ATP9B: variants seen among roughly 807,000 people sequenced by gnomAD.
ATP9B encodes the protein probable phospholipid-transporting ATPase IIB.
A neutral mutation model predicts 146.1 loss-of-function variants in ATP9B; 110 were observed. The ratio of observed to expected loss-of-function variants is 0.75; its 90% CI spans 0.65 to 0.88. The LOEUF is 0.88. Ranked by LOEUF, ATP9B falls within the 40% of genes least tolerant of loss-of-function variation. ATP9B has a pLI of 0.00. For synonymous variants in ATP9B, 604 were observed against 569.7 expected, an observed-to-expected ratio of 1.06 and a Z score of -0.86; for missense variants, 1,499 against 1,496.4, an observed-to-expected ratio of 1.00 and a Z score of -0.03.
At chr18:79,240,787 A>G (rs893320283) in intron 11 of ATP9B, among the ~76,000 whole-genome samples, 1 of 152,188 alleles carries the variant, frequency 6.6e-6, no homozygotes, top group African/African-American at 2.4e-5. Flanking sequence ...GAGACATCCA[A>G]TTTTGAGAAT....
chr18:79,250,604 C>T (rs548558511), intron 11 of ATP9B, among the ~76,000 whole-genome samples: 24 of 152,306 alleles, frequency 1.6e-4, no homozygotes, highest in African/African-American at 5.5e-4. Context: ...CTATTTTTCT[C>T]AATAATTCAA....
chr18:79,373,937 CTG>C lies in ATP9B; in HGVS notation c.3111_3112del (p.Glu1038ValfsTer51). The C allele has an allele frequency of 6.2e-7, 1 of 1,613,584 alleles. No individual in the cohort carries two copies. The highest frequency in any genetic ancestry group is 8.5e-7 in the Non-Finnish European group (1 of 1,180,030). On this transcript the variant is annotated frameshift_variant, in exon 28 of 30. Coordinates refer to ENST00000426216, the MANE Select transcript of ATP9B (RefSeq NM_198531.5). LOFTEE classifies it high-confidence loss of function. ...TATGGGGCCCTGGTGCTCTTCGAGTCTGAGTTCGTCCACGTGGTGGCCATCTC... is the reference window on the plus strand; with the variant it reads ...TATGGGGCCCTGGTGCTCTTCGAGTCAGTTCGTCCACGTGGTGGCCATCTC...
chr18:79,184,700 CT>C (rs1177907506), intron 8 of ATP9B, among the ~76,000 whole-genome samples: 1 of 152,052 alleles, frequency 6.6e-6, no homozygotes, highest in Non-Finnish European at 1.5e-5. Context: ...TTGTGTCCTT[CT>C]TTTTCTTGTG....
chr18:79,292,940 A>G (rs746552885), intron 13 of ATP9B, among the ~76,000 whole-genome samples: 7 of 151,788 alleles, frequency 4.6e-5, no homozygotes, highest in Non-Finnish European at 5.9e-5. Context: ...TGGTTTCAAA[A>G]CCTAATACAA....
intron 1 of ATP9B, among the ~76,000 whole-genome samples, chr18:79,078,663 G>GT (rs34895093): frequency 0.14 from 20,087 of 142,822 alleles, 1,812 homozygotes; most frequent in African/African-American, 0.27. Flanking sequence ...GTATAGTTCA[G>GT]TTTTTTTTTT....
chr18:79,126,893 C>T lies in ATP9B; in HGVS notation c.667+518C>T, dbSNP rs539629890. ...CCTTAACTCTTGCTTAACTTACATC[C>T]TTCAAGCGCTTGTTTATTTGATTTT... On this transcript the variant is annotated intron_variant, in intron 5 of 29. Coordinates refer to ENST00000426216, the MANE Select transcript of ATP9B (RefSeq NM_198531.5). Among the ~76,000 whole-genome samples, 13 of 152,218 alleles carry T rather than the reference C, an allele frequency of 8.5e-5. No homozygotes were observed. In the East Asian group the frequency reaches 2.3e-3, roughly 27 times the overall value.
intron 1 of ATP9B, among the ~76,000 whole-genome samples, chr18:79,093,153 C>T (rs2074488865): frequency 6.6e-6 from 1 of 152,120 alleles, no homozygotes; most frequent in Non-Finnish European, 1.5e-5. Flanking sequence ...TATATGCAAT[C>T]CATTGTTGAC....
At chr18:79,102,326 A>T (rs1248206059) in intron 2 of ATP9B, among the ~76,000 whole-genome samples, 1 of 152,232 alleles carries the variant, frequency 6.6e-6, no homozygotes, top group African/African-American at 2.4e-5. Context: ...ATGTTCTTGC[A>T]TGCATTTTAT....
intron 15 of ATP9B, among the ~76,000 whole-genome samples, chr18:79,320,089 G>A (rs528509029): frequency 2.0e-5 from 3 of 152,308 alleles, no homozygotes; most frequent in Non-Finnish European, 4.4e-5. Context: ...GGTTTTGCCT[G>A]TGTCTTCAGA....
chr18:79,227,241 C>A (rs2095744726), intron 11 of ATP9B, among the ~76,000 whole-genome samples: 1 of 152,016 alleles, frequency 6.6e-6, no homozygotes, highest in East Asian at 1.9e-4. Context: ...TTCTTTGCTC[C>A]AGCCCTGGGC....
intron 13 of ATP9B, among the ~76,000 whole-genome samples, chr18:79,291,815 G>A (rs940259538): frequency 2.0e-5 from 3 of 152,152 alleles, no homozygotes; most frequent in Non-Finnish European, 2.9e-5. Context: ...AGGATACATC[G>A]CTCTCTTATT....
At chr18:79,354,726 G>A (rs1017412011) in intron 25 of ATP9B, among the ~76,000 whole-genome samples, 1 of 152,154 alleles carries the variant, frequency 6.6e-6, no homozygotes, top group African/African-American at 2.4e-5. Flanking sequence ...GGTGAACAGA[G>A]GGGGCAAGGG....
intron 13 of ATP9B, among the ~76,000 whole-genome samples, chr18:79,291,991 T>G (rs2096508392): frequency 6.6e-6 from 1 of 152,254 alleles, no homozygotes; most frequent in Non-Finnish European, 1.5e-5. Context: ...GAGTCAGACC[T>G]ATGCAGTCCC....
At chr18:79,256,276 T>C (rs1188102815) in intron 12 of ATP9B, among the ~76,000 whole-genome samples, 2 of 133,242 alleles carry the variant, frequency 1.5e-5, no homozygotes, top group Admixed American at 7.5e-5. Flanking sequence ...TATATATATA[T>C]ATATATATAT....
chr18:79,282,667 A>G (rs2096390802), intron 13 of ATP9B, among the ~76,000 whole-genome samples: 1 of 152,210 alleles, frequency 6.6e-6, no homozygotes, highest in South Asian at 2.1e-4. Context: ...AAACGCAAAA[A>G]GTCATGTGGC....
chr18:79,184,056 AT>A (rs2095280057), intron 8 of ATP9B, among the ~76,000 whole-genome samples: 1 of 152,136 alleles, frequency 6.6e-6, no homozygotes, highest in African/African-American at 2.4e-5. Context: ...TTAGGTAAAT[AT>A]TTATATGTTT....
At chr18:79,329,071 C>A in intron 15 of ATP9B, 70 bp from the exon 16 acceptor site, 1 of 1,404,164 alleles carries the variant, frequency 7.1e-7, no homozygotes, top group East Asian at 2.7e-5. Flanking sequence ...CTGAGCACTG[C>A]CGTGCTGGCT....
intron 11 of ATP9B, 40 bp from the exon 12 acceptor site, chr18:79,253,341 T>C: frequency 6.4e-7 from 1 of 1,568,636 alleles, no homozygotes; most frequent in Non-Finnish European, 8.6e-7. Flanking sequence ...TTAGGGACAT[T>C]GTGGTTAGCT....
rs1206136051 is a variant in ATP9B at position 79,264,003 on chromosome 18, T to C, written c.1268+10462T>C. On this transcript the variant is annotated intron_variant, in intron 12 of 29. Transcript: ENST00000426216. ...GGGAGGCTGAGGCAGGAGAATGGCG[T>C]CAACCCGGAAGGCGGAGGTTGCAGT... 7.2e-5 allele frequency among the ~76,000 whole-genome samples: 11 copies of C among 151,962 alleles called. No homozygotes were observed. In the East Asian group the frequency reaches 1.9e-3, roughly 27 times the overall value.
Sources: gnomAD v4.1 joint callset for allele counts (sites outside exome capture counted in the v4.1 genomes callset) on GRCh38, gnomAD v4.1.1 for gene constraint, MANE v1.5 for transcripts, NCBI Gene and HGNC (gene_info 2026-07-23, HGNC 2026-07-21) for gene names.